NLGN4X: variants seen among roughly 807,000 people sequenced by gnomAD.
NLGN4X encodes neuroligin 4 X-linked, also known as neuroligin-4, X-linked.
Under a neutral mutation model 40.3 loss-of-function variants are expected in NLGN4X, and 3 were observed. The ratio of observed to expected loss-of-function variants is 0.07; its 90% CI spans 0.03 to 0.19. NLGN4X has a LOEUF of 0.19. NLGN4X is among the 10% of genes least tolerant of loss of function. NLGN4X has a pLI of 1.00. For synonymous variants in NLGN4X, 270 were observed against 306.8 expected, an observed-to-expected ratio of 0.88 and a Z score of 1.25; for missense variants, 382 against 708.3, an observed-to-expected ratio of 0.54 and a Z score of 5.23.
intron 1 of NLGN4X, among the ~76,000 whole-genome samples, chrX:6,176,312 G>C (rs964819747): frequency 5.3e-5 from 6 of 112,394 alleles, no homozygotes; most frequent in African/African-American, 1.9e-4. Context: ...CCATTTAGCA[G>C]CCCAACAACC....
At chrX:5,906,454 G>A (rs1200982517) in intron 4 of NLGN4X, among the ~76,000 whole-genome samples, 1 of 111,647 alleles carries the variant, frequency 9.0e-6, no homozygotes, top group African/African-American at 3.3e-5. Context: ...AACTTGTCCA[G>A]ACGGTGCCGA....
rs750148487 is a variant in NLGN4X, at chrX:5,989,467, C to CATAT, written c.625+39809_625+39812dup. Among the ~76,000 whole-genome samples the CATAT allele has an allele frequency of 1.2e-4, 13 of 112,248 alleles. No homozygotes were observed. The East Asian group carries it at 3.4e-3, about 29-fold the overall frequency. ...GCCTAATTACGTAACAGTCAGCACC[C>CATAT]ATATACCTTTATCATTTCACTAGTT... On this transcript the variant is annotated intron_variant, in intron 3 of 5. Coordinates refer to ENST00000381095, the MANE Select transcript of NLGN4X (RefSeq NM_181332.3).
intron 2 of NLGN4X, among the ~76,000 whole-genome samples, chrX:6,088,256 GA>G (rs1258928236): frequency 8.9e-6 from 1 of 112,510 alleles, no homozygotes. Flanking sequence ...AATGCCAAGA[GA>G]AAATGCGAAG....
intron 1 of NLGN4X, among the ~76,000 whole-genome samples, chrX:6,156,674 G>A (rs1338771088): frequency 9.0e-6 from 1 of 110,809 alleles, no homozygotes; most frequent in Admixed American, 9.6e-5. Flanking sequence ...GGTACTCATG[G>A]ACATAAAGCA....
At chrX:6,055,038 G>A (rs1441467109) in intron 2 of NLGN4X, among the ~76,000 whole-genome samples, 6 of 112,115 alleles carry the variant, frequency 5.4e-5, no homozygotes, top group East Asian at 2.8e-4. Flanking sequence ...ACAGACTACT[G>A]TACTTCTCCC....
chrX:5,952,707 G>A (rs953588840), intron 3 of NLGN4X, among the ~76,000 whole-genome samples: 3 of 111,040 alleles, frequency 2.7e-5, no homozygotes, highest in Non-Finnish European at 5.7e-5. Context: ...TGTGGGAGCT[G>A]GCAAGTCTGG....
chrX:5,899,690 CT>C lies in NLGN4X; in HGVS notation c.1601+3386del, dbSNP rs72374207. ...CCTTTATCTTTTTCTGTCTTTTTTC[CT>C]TTTTTTTTTTTTTTATTTTTTTTTA... On this transcript the variant is annotated intron_variant, in intron 5 of 5. Coordinates refer to ENST00000381095, the MANE Select transcript of NLGN4X (RefSeq NM_181332.3). 4.2e-3 allele frequency among the ~76,000 whole-genome samples: 403 copies of C among 95,890 alleles called. 1 individual carries two copies. Among genetic ancestry groups the C allele is most frequent in the East Asian group, 9.3e-3 (28 of 3,006 alleles). The allele number at this position is 95,890 out of a possible 115,157, so 83.3% of individuals were successfully genotyped here.
At chrX:5,901,713 TATC>T (rs1348041546) in intron 5 of NLGN4X, among the ~76,000 whole-genome samples, 8 of 109,804 alleles carry the variant, frequency 7.3e-5, no homozygotes, top group South Asian at 3.9e-4. Flanking sequence ...ATGATACAAA[TATC>T]ATATATTTTC....
chrX:5,931,520 T>C (rs2033543948), intron 3 of NLGN4X, among the ~76,000 whole-genome samples: 1 of 112,134 alleles, frequency 8.9e-6, no homozygotes. Flanking sequence ...TAGTTAAGTA[T>C]TTCACCATTT....
intron 3 of NLGN4X, among the ~76,000 whole-genome samples, chrX:5,975,268 A>G (rs2035140246): frequency 8.9e-6 from 1 of 111,732 alleles, no homozygotes; most frequent in Non-Finnish European, 1.9e-5. Context: ...TTAGGAAGTC[A>G]TCATGTAGAC....
chrX:6,146,696 C>CAA (rs3072062), intron 2 of NLGN4X, among the ~76,000 whole-genome samples: 25,560 of 96,986 alleles, frequency 0.26, 2,539 homozygotes, highest in Admixed American at 0.29. Flanking sequence ...GTATTGCTAG[C>CAA]AAAAAAAAAA....
chrX:6,095,633 T>C (rs188183002), intron 2 of NLGN4X, among the ~76,000 whole-genome samples: 8 of 112,205 alleles, frequency 7.1e-5, no homozygotes, highest in African/African-American at 1.3e-4. Flanking sequence ...GGTAACACAA[T>C]AGATTAGGCT....
intron 3 of NLGN4X, among the ~76,000 whole-genome samples, chrX:5,940,738 T>C (rs2033899378): frequency 9.1e-6 from 1 of 110,228 alleles, no homozygotes; most frequent in Non-Finnish European, 1.9e-5. Context: ...AGAGCTAAAA[T>C]AATAAATCAC....
intron 2 of NLGN4X, among the ~76,000 whole-genome samples, chrX:6,035,925 AC>A (rs1277935683): frequency 1.8e-5 from 2 of 112,208 alleles, no homozygotes; most frequent in African/African-American, 6.5e-5. Flanking sequence ...TATATAACAT[AC>A]AAAAGATGTG....
chrX:5,890,483 G>A lies in NLGN4X; in HGVS notation c.*2334C>T, dbSNP rs2031102455. 1 of 290,458 alleles carries A rather than the reference G, an allele frequency of 3.4e-6. No homozygotes were observed. The highest frequency in any genetic ancestry group is 2.7e-5 in the African/African-American group (1 of 36,392). 23.9% of individuals were successfully genotyped at this position (290,458 alleles called of 1,213,427 possible). A position where few individuals can be genotyped will look rare whatever the true frequency, so the allele number is the denominator to read the frequency against. ...TGACGCGTTACTGTACATATTGCTA[G>A]CAGGAGACAACTGGAAATACTAAAC... On this transcript the variant is annotated 3_prime_UTR_variant, in exon 6 of 6. Transcript: ENST00000381095.
chrX:6,175,655 G>GAAAAAAAAAAAAAAAAAAAAAAAA (rs3045369), intron 1 of NLGN4X, among the ~76,000 whole-genome samples: 1 of 60,993 alleles, frequency 1.6e-5, no homozygotes, highest in African/African-American at 6.6e-5. Flanking sequence ...ATCTATTACA[G>GAAAAAAAAAAAAAAAAAAAAAAAA]AAAAAAAAAA....
chrX:6,128,718 C>T (rs1465692292), intron 2 of NLGN4X, among the ~76,000 whole-genome samples: 1 of 112,172 alleles, frequency 8.9e-6, no homozygotes, highest in Non-Finnish European at 1.9e-5. Flanking sequence ...TGTTGGGTAC[C>T]ATGTTCGCTA....
intron 4 of NLGN4X, among the ~76,000 whole-genome samples, chrX:5,904,772 G>A (rs1027130709): frequency 2.7e-5 from 3 of 112,019 alleles, no homozygotes; most frequent in East Asian, 5.6e-4. Context: ...TGCCATTTCC[G>A]TGAATCCCAG....
intron 2 of NLGN4X, among the ~76,000 whole-genome samples, chrX:6,129,881 C>CTT (rs1228153546): frequency 9.3e-5 from 9 of 96,970 alleles, no homozygotes; most frequent in Non-Finnish European, 1.3e-4. Context: ...GATACCAAAT[C>CTT]TTTTTTTTTT....
Sources: allele counts gnomAD v4.1 joint callset (sites outside exome capture counted in the v4.1 genomes callset), GRCh38; gene constraint gnomAD v4.1.1; transcripts MANE v1.5; gene names NCBI Gene and HGNC (gene_info 2026-07-23, HGNC 2026-07-21).